CCDC22: variants seen among roughly 807,000 people sequenced by gnomAD.
CCDC22 encodes CCC complex scaffolding subunit CCDC22, also known as coiled-coil domain-containing protein 22.
Under a neutral mutation model 53.1 loss-of-function variants are expected in CCDC22, and 4 were observed. That is an observed-to-expected ratio of 0.08 (90% confidence interval 0.04 to 0.17). The LOEUF is 0.17. Among genes scored for constraint, CCDC22 ranks in the 10% least tolerant of loss-of-function variants. CCDC22 has a pLI of 1.00. For synonymous variants in CCDC22, 222 were observed against 224.4 expected (o/e 0.99, Z 0.10); for missense variants, 458 against 554.0 (o/e 0.83, Z 1.74).
chrX:49,244,085 G>A (rs940183266), intron 6 of CCDC22, among the ~76,000 whole-genome samples: 2 of 112,177 alleles, frequency 1.8e-5, no homozygotes, highest in East Asian at 2.8e-4. Flanking sequence ...CACCGCACCC[G>A]GCCCTAATCT....
At position 49,235,577 on chromosome X, in the gene CCDC22, G is replaced by A. The variant is rs1283890553; in HGVS notation, c.-60G>A. On this transcript the variant is annotated 5_prime_UTR_variant, in exon 1 of 17. Transcript: ENST00000376227. ...AGCACGGAGCAGGGTTTCTACAGCT[G>A]CTCCCCACTTTCTCGGACCCGGTCC... 4.3e-5 allele frequency: 44 copies of A among 1,030,669 alleles called. No homozygotes were observed. The highest frequency in any genetic ancestry group is 5.3e-5 in the Non-Finnish European group (40 of 749,403). The allele number at this position is 1,030,669 out of a possible 1,213,427, so 84.9% of individuals were successfully genotyped here. A position where few individuals can be genotyped will look rare whatever the true frequency, so the allele number is the denominator to read the frequency against.
Position 49,248,584 on chromosome X carries a change from G to C in CCDC22, c.1330-49G>C, listed in dbSNP as rs782201634. 6.7e-6 allele frequency: 8 copies of C among 1,196,028 alleles called. No individual in the cohort carries two copies. In the Admixed American group the frequency reaches 1.8e-4, roughly 26 times the overall value. On this transcript the variant is annotated intron_variant, in intron 11 of 16. Transcript: ENST00000376227. ...GGCAGGCTCGGTCCCTCTCTAGGGG[G>C]CCATCCCTATGCTCTGCTCACTGTC...
chrX:49,249,680 G>A lies in CCDC22; in HGVS notation c.1725G>A (p.Glu575=). Residue 575 remains glutamate (E), a synonymous_variant, in exon 16 of 17, where the codon GAG becomes GAA. Transcript: ENST00000376227. The part of the protein sequence containing the change: ...ENCSQLIQTI[E]DTGTIMREVR... The stretch of plus-strand genomic sequence containing the variant: ...GCAGCCAGCTCATCCAGACCATCGA[G>A]GACACAGGCACCATCATGCGGGAGG... 4.1e-6 allele frequency: 5 copies of A among 1,210,599 alleles called. No individual in the cohort carries two copies. The South Asian group carries it at 5.3e-5, about 13-fold the overall frequency.
intron 6 of CCDC22, among the ~76,000 whole-genome samples, chrX:49,244,809 C>T (rs2065981228): frequency 8.9e-6 from 1 of 111,833 alleles, no homozygotes; most frequent in East Asian, 2.8e-4. Context: ...CCCACCTTGG[C>T]CTTCCAAAGT....
At position 49,243,106 on chromosome X, in the gene CCDC22, C is replaced by T. The variant is rs1557113623; in HGVS notation, c.469-12C>T. 3.3e-6 allele frequency: 4 copies of T among 1,206,694 alleles called. No homozygotes were observed. The highest frequency in any genetic ancestry group is 4.5e-6 in the Non-Finnish European group (4 of 892,135). Reference sequence around the variant, plus strand: ...CTTCACCCTGGAGATTCTGAGCCTGCTCTCCCACCAGGGCTCGGCCCTCCA... The same window carrying T: ...CTTCACCCTGGAGATTCTGAGCCTGTTCTCCCACCAGGGCTCGGCCCTCCA... On this transcript the variant is annotated splice_polypyrimidine_tract_variant and intron_variant, in intron 4 of 16. Coordinates refer to ENST00000376227, the MANE Select transcript of CCDC22 (RefSeq NM_014008.5).
intron 5 of CCDC22, 47 bp from the exon 6 acceptor site, chrX:49,243,237 T>C (rs2065972847): frequency 4.2e-6 from 5 of 1,198,152 alleles, no homozygotes; most frequent in African/African-American, 1.8e-5. Context: ...GGGAACCTCA[T>C]AGCGTTGCCA....
intron 2 of CCDC22, among the ~76,000 whole-genome samples, chrX:49,238,796 T>C (rs782772610): frequency 2.7e-5 from 3 of 111,308 alleles, no homozygotes; most frequent in Non-Finnish European, 3.8e-5. Context: ...CTTAAGCTCC[T>C]GGCCTCAAGC....
At chrX:49,248,774 G>C (rs782486679) in intron 12 of CCDC22, 40 bp downstream of exon 12, 20 of 1,204,330 alleles carry the variant, frequency 1.7e-5, no homozygotes, top group South Asian at 1.8e-5. Context: ...TTAGGAGGGT[G>C]GGGGGATGGT....
intron 6 of CCDC22, among the ~76,000 whole-genome samples, chrX:49,245,983 GT>G (rs782544477): frequency 3.3e-5 from 3 of 89,671 alleles, no homozygotes; most frequent in African/African-American, 7.6e-5. Context: ...TTTTTTTTTT[GT>G]TTTTTTTTGT....
intron 14 of CCDC22, 79 bp from the exon 15 acceptor site, chrX:49,249,430 G>T (rs1396237322): frequency 1.5e-5 from 15 of 985,904 alleles, no homozygotes; most frequent in Non-Finnish European, 2.0e-5. Context: ...TGGGGTGGTG[G>T]GAGAGGGTGG....
At chrX:49,243,517 C>G in intron 6 of CCDC22, 55 bp downstream of exon 6, 1 of 965,299 alleles carries the variant, frequency 1.0e-6, no homozygotes, top group Non-Finnish European at 1.4e-6. Flanking sequence ...CTGACACTCC[C>G]GCTGGTCCTC....
At position 49,247,408 on chromosome X, in the gene CCDC22, G is replaced by A. The variant is rs145051197; in HGVS notation, c.910-88G>A. On this transcript the variant is annotated intron_variant, in intron 7 of 16. Transcript: ENST00000376227. The stretch of plus-strand genomic sequence containing the variant: ...CTTCAGTGGGCATGCATGCCGCACT[G>A]GGGGCAGTTCTCAGGGGAGGCTGAG... The A allele has an allele frequency of 7.2e-5, 63 of 879,402 alleles. No individual in the cohort carries two copies. In the East Asian group the frequency reaches 1.8e-3, roughly 26 times the overall value. 72.5% of individuals were successfully genotyped at this position (879,402 alleles called of 1,213,427 possible).
chrX:49,243,419 G>C lies in CCDC22; in HGVS notation c.671G>C (p.Gly224Ala), dbSNP rs782445678. The C allele has an allele frequency of 1.7e-6, 2 of 1,201,271 alleles. No homozygotes were observed. The highest frequency in any genetic ancestry group is 1.7e-5 in the African/African-American group (1 of 57,741). Residue 224 changes from glycine (G) to alanine (A), a missense_variant, in exon 6 of 17, where the codon GGG (glycine) becomes GCG (alanine). By Grantham distance (60) the Gly-to-Ala change is moderately conservative (BLOSUM62 0). Transcript: ENST00000376227. ...LCQQTGRDRP[G>A]DEDWVHRTSR... ...CAGCAGACGGGCCGGGACCGGCCAGGGGATGAGGACTGGGTCCACCGGACA... is the reference window on the plus strand; with the variant it reads ...CAGCAGACGGGCCGGGACCGGCCAGCGGATGAGGACTGGGTCCACCGGACA...
At chrX:49,247,156 G>T (rs2147940735) in intron 7 of CCDC22, 2 of 438,232 alleles carry the variant, frequency 4.6e-6, no homozygotes, top group East Asian at 7.5e-5. Context: ...TGTTCTTGGG[G>T]CAACACCCCC....
At chrX:49,243,487 G>C in intron 6 of CCDC22, 25 bp downstream of exon 6, 1 of 1,095,956 alleles carries the variant, frequency 9.1e-7, no homozygotes, top group Non-Finnish European at 1.2e-6. Context: ...CTGGCTCCCT[G>C]CTGTCTGGGC....
intron 7 of CCDC22, 64 bp downstream of exon 7, chrX:49,246,989 G>C: frequency 4.3e-6 from 4 of 929,030 alleles, no homozygotes; most frequent in Non-Finnish European, 6.0e-6. Flanking sequence ...GTGGCTTTTT[G>C]TGTCAGCACC....
chrX:49,249,731 G>T lies in CCDC22; in HGVS notation c.1770+6G>T, dbSNP rs369663768. Reference sequence around the variant, plus strand: ...TTCGAGACCTCGAGGAGCAGGTGAGGCCTGGGGGCAGGATGGGGAGCCAAG... The same window carrying T: ...TTCGAGACCTCGAGGAGCAGGTGAGTCCTGGGGGCAGGATGGGGAGCCAAG... On this transcript the variant is annotated splice_donor_region_variant and intron_variant, in intron 16 of 16. Coordinates refer to ENST00000376227, the MANE Select transcript of CCDC22 (RefSeq NM_014008.5). 1 of 1,197,705 alleles carries T rather than the reference G, an allele frequency of 8.3e-7. No individual in the cohort carries two copies. Among genetic ancestry groups the T allele is most frequent in the South Asian group, 1.8e-5 (1 of 56,449 alleles).
chrX:49,236,967 T>A (rs1231086618), intron 1 of CCDC22, 119 bp from the exon 2 acceptor site: 2 of 539,387 alleles, frequency 3.7e-6, no homozygotes, highest in African/African-American at 4.7e-5. Context: ...AGGATCTGTC[T>A]GAACTGTAGG....
At chrX:49,247,902 A>T in intron 9 of CCDC22, 134 bp downstream of exon 9, 4 of 875,003 alleles carry the variant, frequency 4.6e-6, no homozygotes, top group Non-Finnish European at 6.4e-6. Context: ...GCCATTAGGG[A>T]TCTGTGGGCC....
Sources: allele counts gnomAD v4.1 joint callset (sites outside exome capture counted in the v4.1 genomes callset), GRCh38; gene constraint gnomAD v4.1.1; transcripts MANE v1.5; gene names NCBI Gene and HGNC (gene_info 2026-07-23, HGNC 2026-07-21).